Variants in ERC2 observed in about 807,000 individuals in gnomAD.
ERC2 encodes ELKS/RAB6-interacting/CAST family member 2.
Under a neutral mutation model 114.8 loss-of-function variants are expected in ERC2, and 42 were observed. The ratio of observed to expected loss-of-function variants is 0.37; its 90% CI spans 0.29 to 0.47. ERC2 has a LOEUF of 0.47. Ranked by LOEUF, ERC2 falls within the 20% of genes least tolerant of loss-of-function variation. The pLI, the probability that ERC2 is intolerant of heterozygous loss-of-function variation, is 0.99. For missense variants in ERC2, 939 were observed against 1,150.7 expected, an observed-to-expected ratio of 0.82 and a Z score of 2.66; for synonymous variants, 454 against 425.5, an observed-to-expected ratio of 1.07 and a Z score of -0.82.
At chr3:55,736,414 C>T (rs1326149655) in intron 14 of ERC2, among the ~76,000 whole-genome samples, 6 of 152,244 alleles carry the variant, frequency 3.9e-5, no homozygotes, top group Admixed American at 6.5e-5. Context: ...TTGCCTCACA[C>T]AGCTCTTATC....
chr3:56,334,645 A>G (rs1373278032), intron 2 of ERC2, among the ~76,000 whole-genome samples: 1 of 152,234 alleles, frequency 6.6e-6, no homozygotes, highest in Non-Finnish European at 1.5e-5. Flanking sequence ...CTAGGGCAAG[A>G]CCATGCCTGA....
chr3:56,173,149 T>C (rs1189765741), intron 4 of ERC2, among the ~76,000 whole-genome samples: 2 of 152,198 alleles, frequency 1.3e-5, no homozygotes, highest in Non-Finnish European at 2.9e-5. Context: ...TTTAAAAATT[T>C]TACTTTTAAA....
intron 3 of ERC2, among the ~76,000 whole-genome samples, chr3:56,194,960 C>T (rs1313647818): frequency 6.6e-6 from 1 of 152,124 alleles, no homozygotes; most frequent in Non-Finnish European, 1.5e-5. Context: ...TCTAATACCT[C>T]CAATAGATAC....
rs63564360 is a variant in ERC2 at position 55,549,950 on chromosome 3, G to GATAC, written c.*40-38675_*40-38674insGTAT. 2.0e-3 allele frequency among the ~76,000 whole-genome samples: 288 copies of GATAC among 142,144 alleles called. 5 individuals are homozygous for GATAC. The highest frequency in any genetic ancestry group is 0.011 in the Middle Eastern group (3 of 282). The allele number at this position is 142,144 out of a possible 152,430, so 93.3% of individuals were successfully genotyped here. A position where few individuals can be genotyped will look rare whatever the true frequency, so the allele number is the denominator to read the frequency against. On this transcript the variant is annotated intron_variant, in intron 17 of 17. Transcript: ENST00000288221. Reference sequence around the variant, plus strand: ...CACACAAGAGAGAGAGAGAGAGAGAGAGAGAGAGACAGAGAGAGAGAGAGA... The same window carrying GATAC: ...CACACAAGAGAGAGAGAGAGAGAGAGATACAGAGAGAGACAGAGAGAGAGAGAGA...
At chr3:56,242,370 C>T (rs957960178) in intron 3 of ERC2, among the ~76,000 whole-genome samples, 10 of 152,086 alleles carry the variant, frequency 6.6e-5, no homozygotes, top group African/African-American at 2.4e-4. Flanking sequence ...GTGTACACTG[C>T]TCAGGTGACG....
chr3:55,818,166 G>T (rs1412259180), intron 14 of ERC2, among the ~76,000 whole-genome samples: 1 of 152,170 alleles, frequency 6.6e-6, no homozygotes, highest in African/African-American at 2.4e-5. Context: ...ACCATACCCT[G>T]AATGTTTCAA....
intron 14 of ERC2, among the ~76,000 whole-genome samples, chr3:55,883,761 G>T (rs558438415): frequency 6.6e-6 from 1 of 152,148 alleles, no homozygotes; most frequent in African/African-American, 2.4e-5. Flanking sequence ...GGTGGTGGGT[G>T]CCTGTAGTCC....
chr3:56,312,562 A>G (rs1467656331), intron 2 of ERC2, among the ~76,000 whole-genome samples: 1 of 152,230 alleles, frequency 6.6e-6, no homozygotes, highest in African/African-American at 2.4e-5. Flanking sequence ...CTATGCATGT[A>G]ACAAAATACC....
intron 14 of ERC2, among the ~76,000 whole-genome samples, chr3:55,783,950 A>G (rs2069271885): frequency 6.6e-6 from 1 of 152,236 alleles, no homozygotes; most frequent in South Asian, 2.1e-4. Context: ...AGGTTACCAG[A>G]TTAATGTTTT....
At chr3:55,637,363 G>C (rs1470013890) in intron 17 of ERC2, among the ~76,000 whole-genome samples, 3 of 152,206 alleles carry the variant, frequency 2.0e-5, no homozygotes, top group African/African-American at 7.2e-5. Flanking sequence ...AAGGATGGGT[G>C]GGAGTGCGCT....
intron 12 of ERC2, among the ~76,000 whole-genome samples, chr3:55,972,413 G>A (rs2069235372): frequency 6.6e-6 from 1 of 152,090 alleles, no homozygotes; most frequent in Admixed American, 6.6e-5. Context: ...TTGTCCTAAT[G>A]CTCTCCCTTC....
intron 2 of ERC2, among the ~76,000 whole-genome samples, chr3:56,300,866 G>T (rs551608388): frequency 6.6e-6 from 1 of 152,338 alleles, no homozygotes; most frequent in African/African-American, 2.4e-5. Flanking sequence ...AATGCTTCAA[G>T]ATGGCAGGAG....
chr3:55,783,073 C>A (rs2069188589), intron 14 of ERC2, among the ~76,000 whole-genome samples: 1 of 152,172 alleles, frequency 6.6e-6, no homozygotes, highest in African/African-American at 2.4e-5. Context: ...TTACAGTTGT[C>A]CCCGGAGGTG....
chr3:56,326,909 T>A (rs1014706323), intron 2 of ERC2, among the ~76,000 whole-genome samples: 1 of 152,190 alleles, frequency 6.6e-6, no homozygotes, highest in African/African-American at 2.4e-5. Context: ...AAACTGGATT[T>A]CTCTGGGGAT....
intron 4 of ERC2, among the ~76,000 whole-genome samples, chr3:56,151,846 C>T (rs1298511358): frequency 6.6e-6 from 1 of 152,096 alleles, no homozygotes; most frequent in African/African-American, 2.4e-5. Context: ...AAAAAAAATA[C>T]ATATATGAAG....
chr3:56,275,161 G>A (rs2053911969), intron 3 of ERC2, among the ~76,000 whole-genome samples: 1 of 152,162 alleles, frequency 6.6e-6, no homozygotes, highest in Admixed American at 6.5e-5. Flanking sequence ...AGACTACCAT[G>A]AGAGTCACAG....
chr3:55,586,217 C>T (rs2057593899), intron 17 of ERC2, among the ~76,000 whole-genome samples: 1 of 152,130 alleles, frequency 6.6e-6, no homozygotes, highest in Non-Finnish European at 1.5e-5. Flanking sequence ...TGTATTTTCC[C>T]AAAGAGAGGT....
At chr3:55,533,126 C>T (rs1450127400) in intron 17 of ERC2, among the ~76,000 whole-genome samples, 3 of 152,176 alleles carry the variant, frequency 2.0e-5, no homozygotes, top group East Asian at 1.9e-4. Context: ...ATATGCTTCT[C>T]GCCTAAGGGA....
At chr3:56,178,471 C>T (rs2083103926) in intron 3 of ERC2, among the ~76,000 whole-genome samples, 1 of 152,094 alleles carries the variant, frequency 6.6e-6, no homozygotes, top group African/African-American at 2.4e-5. Context: ...AGTCCTATAG[C>T]ACCACTTCTG....
Sources: allele counts gnomAD v4.1 joint callset (sites outside exome capture counted in the v4.1 genomes callset), GRCh38; gene constraint gnomAD v4.1.1; transcripts MANE v1.5; gene names NCBI Gene and HGNC (gene_info 2026-07-23, HGNC 2026-07-21).